Variants in C7 observed in about 807,000 individuals in gnomAD.
C7 encodes the protein complement C7, also known as complement component C7.
Under a neutral mutation model 104.8 loss-of-function variants are expected in C7, and 83 were observed. The ratio of observed to expected loss-of-function variants is 0.79; its 90% CI spans 0.66 to 0.95. The LOEUF (loss-of-function observed/expected upper bound fraction) is 0.95. Ranked by LOEUF, C7 falls within the 40% of genes least tolerant of loss-of-function variation. The pLI is 0.00. For synonymous variants in C7, 415 were observed against 360.6 expected (o/e 1.15, Z -1.71); for missense variants, 1,070 against 1,011.2 (o/e 1.06, Z -0.79).
chr5:40,927,427 CA>C (rs953486528), intron 1 of C7, among the ~76,000 whole-genome samples: 2 of 151,666 alleles, frequency 1.3e-5, no homozygotes, highest in African/African-American at 4.8e-5. Flanking sequence ...TTCTGCATGG[CA>C]AAGGAGACAA....
At chr5:40,915,066 T>C (rs1273411884) in intron 1 of C7, among the ~76,000 whole-genome samples, 1 of 151,884 alleles carries the variant, frequency 6.6e-6, no homozygotes, top group Admixed American at 6.6e-5. Flanking sequence ...CAGGCATGGG[T>C]GAGAATCGAA....
intron 10 of C7, among the ~76,000 whole-genome samples, chr5:40,956,768 G>C (rs1046274831): frequency 6.6e-6 from 1 of 152,168 alleles, no homozygotes; most frequent in African/African-American, 2.4e-5. Context: ...TTGCCCATTG[G>C]CTTCCAAATA....
At chr5:40,926,065 C>T (rs556466084) in intron 1 of C7, among the ~76,000 whole-genome samples, 2 of 152,244 alleles carry the variant, frequency 1.3e-5, no homozygotes, top group East Asian at 1.9e-4. Flanking sequence ...TCATCTACCA[C>T]GATCAAATGG....
chr5:40,981,531 C>T lies in C7; in HGVS notation c.2490C>T (p.Ile830=), dbSNP rs748600589. ...CTCTGAGATGCAGAGGGCAGAGCAT[C>T]TCTGTCACCAGCATAAGGCCTTGTG... ...AGALRCRGQS[I]SVTSIRPCAA... Residue 830 remains isoleucine (I), a synonymous_variant, in exon 18 of 18, where the codon ATC becomes ATT. Transcript: ENST00000313164. 21 of 1,613,716 alleles carry T rather than the reference C, an allele frequency of 1.3e-5. No homozygotes were observed. Among genetic ancestry groups the T allele is most frequent in the Non-Finnish European group, 1.8e-5 (21 of 1,179,738 alleles).
At chr5:40,973,419 A>G (rs1740743315) in intron 15 of C7, among the ~76,000 whole-genome samples, 1 of 152,220 alleles carries the variant, frequency 6.6e-6, no homozygotes, top group Non-Finnish European at 1.5e-5. Flanking sequence ...ATTTATTTTT[A>G]ATAGTGAGGA....
At chr5:40,959,700 G>C (rs1740385717) in intron 12 of C7, 80 bp downstream of exon 12, 1 of 1,131,900 alleles carries the variant, frequency 8.8e-7, no homozygotes, top group Non-Finnish European at 1.2e-6. Context: ...GATTGCTGCT[G>C]TCGAGAGATT....
At chr5:40,930,683 C>G (rs1164532694) in intron 2 of C7, among the ~76,000 whole-genome samples, 1 of 151,960 alleles carries the variant, frequency 6.6e-6, no homozygotes, top group African/African-American at 2.4e-5. Context: ...CTGCCTCAGC[C>G]TCCCGGGTAG....
chr5:40,962,112 G>T lies in C7; in HGVS notation c.1689G>T (p.Leu563Phe). 1.3e-6 allele frequency: 2 copies of T among 1,558,494 alleles called. No homozygotes were observed. Among genetic ancestry groups the T allele is most frequent in the Admixed American group, 1.8e-5 (1 of 55,774 alleles). Residue 563 changes from leucine (L) to phenylalanine (F), a missense_variant, in exon 13 of 18, where the codon TTG becomes TTT. Leu to Phe is a conservative substitution (Grantham distance 22). Coordinates refer to ENST00000313164, the MANE Select transcript of C7 (RefSeq NM_000587.4). The part of the protein sequence containing the change: ...LRLLEPHCFP[L>F]SLVPTEFCPS... ...TGCTTGAACCACATTGCTTTCCTTT[G>T]TCTTTGGTTCCAACAGAATTCTGTC...
rs1257696662 is a variant in C7, at chr5:40,984,593, CT to C, written c.*3025del. Among the ~76,000 whole-genome samples, 1 of 152,208 alleles carries C rather than the reference CT, an allele frequency of 6.6e-6. No homozygotes were observed. Among genetic ancestry groups the C allele is most frequent in the East Asian group, 1.9e-4 (1 of 5,202 alleles). ...CACTTATGTGTCCAATTAGTAATCA[CT>C]TTTTCTTTCGGTCAAGGTATGTGTA... On this transcript the variant is annotated 3_prime_UTR_variant, in exon 18 of 18. Coordinates refer to ENST00000313164, the MANE Select transcript of C7 (RefSeq NM_000587.4).
intron 6 of C7, among the ~76,000 whole-genome samples, chr5:40,942,969 G>A (rs1739972420): frequency 1.3e-5 from 2 of 152,014 alleles, no homozygotes; most frequent in Admixed American, 6.6e-5. Context: ...TCACCATGTT[G>A]GCCAGGATGG....
rs1297120269 is a variant in C7, at chr5:40,984,461, T to C, written c.*2888T>C. On this transcript the variant is annotated 3_prime_UTR_variant, in exon 18 of 18. Coordinates refer to ENST00000313164, the MANE Select transcript of C7 (RefSeq NM_000587.4). ...CACATGAGTCTTGTGAACCATCTAG[T>C]TGTTTTGTAACTGCTAAGAGCTGCA... Among the ~76,000 whole-genome samples, 1 of 152,202 alleles carries C rather than the reference T, an allele frequency of 6.6e-6. No individual in the cohort carries two copies. The highest frequency in any genetic ancestry group is 2.4e-5 in the African/African-American group (1 of 41,464).
chr5:40,937,681 T>C lies in C7; in HGVS notation c.558T>C (p.Tyr186=). 1 of 1,584,904 alleles carries C rather than the reference T, an allele frequency of 6.3e-7. No homozygotes were observed. The highest frequency in any genetic ancestry group is 1.1e-5 in the South Asian group (1 of 87,268). ...GGCTGAGTGGAAATGTCCTGTCCTA[T>C]ACATTCCAGGTACTTACGACGTTAT... The part of the protein sequence containing the change: ...FYRLSGNVLS[Y]TFQVKINNDF... Residue 186 remains tyrosine, a synonymous_variant, in exon 6 of 18, where the codon TAT becomes TAC. Transcript: ENST00000313164.
At chr5:40,963,310 A>G (rs1392173823) in intron 13 of C7, among the ~76,000 whole-genome samples, 1 of 152,180 alleles carries the variant, frequency 6.6e-6, no homozygotes. Flanking sequence ...CTAAGAGTCT[A>G]TTTTGTAATT....
chr5:40,914,454 G>T (rs1432740586), intron 1 of C7, among the ~76,000 whole-genome samples: 1 of 152,124 alleles, frequency 6.6e-6, no homozygotes, highest in Non-Finnish European at 1.5e-5. Flanking sequence ...TTGTAGAGAA[G>T]CTTTTAATTT....
At chr5:40,913,893 A>G (rs745448503) in intron 1 of C7, among the ~76,000 whole-genome samples, 43 of 152,138 alleles carry the variant, frequency 2.8e-4, no homozygotes, top group Middle Eastern at 3.4e-3. Context: ...GTTAGTCAGG[A>G]TGGTCTTGAT....
chr5:40,968,571 TATA>T (rs1740611470), intron 14 of C7, among the ~76,000 whole-genome samples: 16 of 63,056 alleles, frequency 2.5e-4, no homozygotes, highest in South Asian at 2.4e-3. Flanking sequence ...ATATATTTTA[TATA>T]TATATATATA....
intron 5 of C7, chr5:40,937,331 C>A: frequency 3.2e-6 from 1 of 309,598 alleles, no homozygotes; most frequent in Non-Finnish European, 5.9e-6. Context: ...ATTTTCTGAG[C>A]CATTAGTTTT....
At chr5:40,940,285 T>A (rs929377310) in intron 6 of C7, among the ~76,000 whole-genome samples, 3 of 152,228 alleles carry the variant, frequency 2.0e-5, no homozygotes, top group African/African-American at 7.2e-5. Context: ...GTAAGCTACT[T>A]AACTTTGATG....
At chr5:40,916,733 T>A (rs1195934880) in intron 1 of C7, among the ~76,000 whole-genome samples, 1 of 152,202 alleles carries the variant, frequency 6.6e-6, no homozygotes, top group East Asian at 1.9e-4. Context: ...CATTTATTTA[T>A]CTTTGTAATT....
Sources: allele counts gnomAD v4.1 joint callset (sites outside exome capture counted in the v4.1 genomes callset), GRCh38; gene constraint gnomAD v4.1.1; transcripts MANE v1.5; gene names NCBI Gene and HGNC (gene_info 2026-07-23, HGNC 2026-07-21).